Variants in RAP1B observed in about 807,000 individuals in gnomAD.
RAP1B encodes the protein ras-related protein Rap-1b.
Under a neutral mutation model 27.5 loss-of-function variants are expected in RAP1B, and 1 was observed. The observed-to-expected ratio is 0.04, with a 90% CI of 0.01 to 0.17. RAP1B has a LOEUF of 0.17. Among genes scored for constraint, RAP1B ranks in the 10% least tolerant of loss-of-function variants. The probability of loss-of-function intolerance (pLI) is 1.00; values close to 1 mark genes in which losing one functional copy is unlikely to be tolerated. For missense variants in RAP1B, 84 were observed against 214.8 expected, an observed-to-expected ratio of 0.39 and a Z score of 3.81; for synonymous variants, 75 against 73.1, an observed-to-expected ratio of 1.03 and a Z score of -0.13.
At chr12:68,613,888 C>T (rs560449034) in intron 1 of RAP1B, among the ~76,000 whole-genome samples, 2 of 152,330 alleles carry the variant, frequency 1.3e-5, no homozygotes, top group African/African-American at 4.8e-5. Flanking sequence ...TTCGTTTTAT[C>T]CTCAATCCTT....
chr12:68,649,045 T>A, intron 2 of RAP1B: 3 of 361,510 alleles, frequency 8.3e-6, no homozygotes, highest in Non-Finnish European at 1.5e-5. Context: ...TACAAATACA[T>A]GTCTTTTTGC....
intron 1 of RAP1B, among the ~76,000 whole-genome samples, chr12:68,622,862 G>T (rs1410099488): frequency 3.3e-5 from 5 of 152,066 alleles, no homozygotes; most frequent in African/African-American, 1.2e-4. Flanking sequence ...CCTTAAACTG[G>T]TTTTTTTCTT....
At chr12:68,628,070 A>C (rs1311637403) in intron 1 of RAP1B, among the ~76,000 whole-genome samples, 1 of 152,104 alleles carries the variant, frequency 6.6e-6, no homozygotes, top group Non-Finnish European at 1.5e-5. Flanking sequence ...GCACCTCTGC[A>C]CTCTAGCCTG....
intron 2 of RAP1B, chr12:68,649,052 T>C: frequency 5.8e-6 from 2 of 343,576 alleles, no homozygotes; most frequent in Non-Finnish European, 1.0e-5. Context: ...ACATGTCTTT[T>C]TGCATTCGCA....
intron 1 of RAP1B, among the ~76,000 whole-genome samples, chr12:68,617,522 A>T (rs867499285): frequency 4.6e-5 from 7 of 152,356 alleles, no homozygotes; most frequent in Middle Eastern, 3.4e-3. Flanking sequence ...GGCTGAGTTC[A>T]AATATGTCTT....
At chr12:68,623,460 T>C (rs1397383652) in intron 1 of RAP1B, among the ~76,000 whole-genome samples, 1 of 152,238 alleles carries the variant, frequency 6.6e-6, no homozygotes, top group African/African-American at 2.4e-5. Context: ...CATAATCCCT[T>C]ATCTATATAT....
At chr12:68,648,517 A>G (rs1401324232) in intron 1 of RAP1B, among the ~76,000 whole-genome samples, 182 bp from the exon 2 acceptor site, 1 of 152,192 alleles carries the variant, frequency 6.6e-6, no homozygotes, top group Non-Finnish European at 1.5e-5. Flanking sequence ...CATGTCTGTA[A>G]TTCTGTAGTT....
At chr12:68,617,295 G>A (rs1325193321) in intron 1 of RAP1B, among the ~76,000 whole-genome samples, 1 of 152,204 alleles carries the variant, frequency 6.6e-6, no homozygotes, top group African/African-American at 2.4e-5. Flanking sequence ...CAGTTAGAAT[G>A]TGGAATCCTA....
At chr12:68,626,226 G>T (rs1358064105) in intron 1 of RAP1B, among the ~76,000 whole-genome samples, 2 of 152,076 alleles carry the variant, frequency 1.3e-5, no homozygotes, top group Non-Finnish European at 2.9e-5. Flanking sequence ...CATGAAAATG[G>T]GTATGCTTTG....
Position 68,667,369 on chromosome 12 carries a change from A to G in RAP1B, c.*8120A>G, listed in dbSNP as rs1264093413. ...GTGTAATATCTAGAGGTACATGAAA[A>G]AAAGAAATGGAAGGAATGGACAGGC... On this transcript the variant is annotated 3_prime_UTR_variant, in exon 8 of 8. Transcript: ENST00000250559. 17 of 152,200 alleles carry G rather than the reference A, an allele frequency of 1.1e-4. No individual in the cohort carries two copies. The highest frequency in any genetic ancestry group is 9.2e-4 in the Admixed American group (14 of 15,276). The allele number at this position is 152,200 out of a possible 1,614,324, so 9.4% of individuals were successfully genotyped here. A position where few individuals can be genotyped will look rare whatever the true frequency, so the allele number is the denominator to read the frequency against.
chr12:68,611,064 G>C (rs928619759), intron 1 of RAP1B, 21 bp downstream of exon 1: 43 of 268,434 alleles, frequency 1.6e-4, no homozygotes, highest in Non-Finnish European at 2.8e-4. Flanking sequence ...TGAGTGCGTG[G>C]CCGCTGAGGG....
chr12:68,625,470 T>C (rs749580305), intron 1 of RAP1B, among the ~76,000 whole-genome samples: 1 of 152,212 alleles, frequency 6.6e-6, no homozygotes, highest in Non-Finnish European at 1.5e-5. Flanking sequence ...TCCCACTATG[T>C]TTTGTTACTT....
At position 68,652,009 on chromosome 12, in the gene RAP1B, T is replaced by C. The variant is rs1873845288; in HGVS notation, c.141T>C (p.Asp47=). The C allele has an allele frequency of 6.2e-7, 1 of 1,613,068 alleles. No homozygotes were observed. The change falls in exon 4 of 8, where the codon GAT becomes GAC. Residue 47 remains aspartate (D), a synonymous_variant. Transcript: ENST00000250559. The stretch of plus-strand genomic sequence containing the variant: ...TTTTCTACCAGCAAGTTGAAGTAGA[T>C]GCACAACAGTGTATGCTTGAAATCT... ...EDSYRKQVEV[D]AQQCMLEILD...
intron 1 of RAP1B, among the ~76,000 whole-genome samples, chr12:68,637,368 CG>C (rs1314342334): frequency 6.6e-6 from 1 of 151,988 alleles, no homozygotes; most frequent in Non-Finnish European, 1.5e-5. Context: ...GAGGCCCAGG[CG>C]GGTGGATCAC....
At chr12:68,628,867 T>TA (rs1472428108) in intron 1 of RAP1B, among the ~76,000 whole-genome samples, 1 of 152,234 alleles carries the variant, frequency 6.6e-6, no homozygotes, top group Non-Finnish European at 1.5e-5. Flanking sequence ...ACAGTCCAGA[T>TA]AGAACACTAT....
At chr12:68,627,594 GA>G (rs1565660552) in intron 1 of RAP1B, among the ~76,000 whole-genome samples, 1 of 152,000 alleles carries the variant, frequency 6.6e-6, no homozygotes, top group African/African-American at 2.4e-5. Flanking sequence ...CCCACTTTTC[GA>G]AATACCCCAT....
Position 68,648,952 on chromosome 12 carries a change from CAT to C in RAP1B, c.57+174_57+175del, listed in dbSNP as rs1317399421. 3 of 590,652 alleles carry C rather than the reference CAT, an allele frequency of 5.1e-6. No homozygotes were observed. The African/African-American group carries it at 5.7e-5, about 11-fold the overall frequency. 36.6% of individuals were successfully genotyped at this position (590,652 alleles called of 1,614,324 possible). On this transcript the variant is annotated intron_variant, in intron 2 of 7. Transcript: ENST00000250559. The stretch of plus-strand genomic sequence containing the variant: ...AACTTTTAATTATATCTGGGTGGAT[CAT>C]ATTCTCTCTGGAACATTGACTCCAG...
chr12:68,634,707 G>A (rs1313902630), intron 1 of RAP1B, among the ~76,000 whole-genome samples: 1 of 152,032 alleles, frequency 6.6e-6, no homozygotes, highest in African/African-American at 2.4e-5. Flanking sequence ...GCATTTGTCA[G>A]ATTGTTGATA....
At position 68,659,457 on chromosome 12, in the gene RAP1B, A is replaced by C. The variant is rs559339400; in HGVS notation, c.*208A>C. 1 of 364,288 alleles carries C rather than the reference A, an allele frequency of 2.7e-6. No homozygotes were observed. Among genetic ancestry groups the C allele is most frequent in the South Asian group, 2.1e-5 (1 of 47,618 alleles). The allele number at this position is 364,288 out of a possible 1,614,324, so 22.6% of individuals were successfully genotyped here. A position where few individuals can be genotyped will look rare whatever the true frequency, so the allele number is the denominator to read the frequency against. ...CACAAGAGAGATTTTTACTTATATA[A>C]TAGTCCTAGAGTTTGCAGCTGGTAA... On this transcript the variant is annotated 3_prime_UTR_variant, in exon 8 of 8. Transcript: ENST00000250559.
Sources: allele counts gnomAD v4.1 joint callset (sites outside exome capture counted in the v4.1 genomes callset), GRCh38; gene constraint gnomAD v4.1.1; transcripts MANE v1.5; gene names NCBI Gene and HGNC (gene_info 2026-07-23, HGNC 2026-07-21).